Variants in BNIP3L observed in about 807,000 individuals in gnomAD.
BNIP3L encodes the protein BCL2/adenovirus E1B 19 kDa protein-interacting protein 3-like.
In BNIP3L, 10 loss-of-function variants were observed where a neutral mutation model predicts 25.5. That is an observed-to-expected ratio of 0.39 (90% CI 0.24 to 0.67). The LOEUF (loss-of-function observed/expected upper bound fraction) is 0.67, where lower values mean the gene tolerates loss of function less well. BNIP3L is among the 30% of genes least tolerant of loss of function. The probability of loss-of-function intolerance (pLI) is 0.45; values close to 1 mark genes in which losing one functional copy is unlikely to be tolerated. For synonymous variants in BNIP3L, 113 were observed against 101.2 expected (o/e 1.12, Z -0.70); for missense variants, 215 against 270.9 (o/e 0.79, Z 1.45).
chr8:26,410,062 C>T (rs1012047863), intron 5 of BNIP3L, among the ~76,000 whole-genome samples: 2 of 152,094 alleles, frequency 1.3e-5, no homozygotes, highest in African/African-American at 2.4e-5. Context: ...AGGAGTTGGG[C>T]TGCTTTATTT....
chr8:26,395,578 A>C, intron 3 of BNIP3L: 1 of 348,458 alleles, frequency 2.9e-6, no homozygotes, highest in Non-Finnish European at 5.2e-6. Context: ...ATAAGTAGAA[A>C]AAGACTGAGA....
At chr8:26,409,299 T>C (rs1381226582) in intron 5 of BNIP3L, among the ~76,000 whole-genome samples, 1 of 152,200 alleles carries the variant, frequency 6.6e-6, no homozygotes, top group Non-Finnish European at 1.5e-5. Context: ...AAACAGTAGC[T>C]GTTAATTTTT....
At chr8:26,401,612 A>T (rs958627866) in intron 3 of BNIP3L, among the ~76,000 whole-genome samples, 2 of 151,758 alleles carry the variant, frequency 1.3e-5, no homozygotes, top group Admixed American at 6.5e-5. Flanking sequence ...CAAAATAAAA[A>T]AAAAAAAAAA....
In BNIP3L at chr8:26,383,710, G is replaced by C. The variant is rs183340956; in HGVS notation, c.100+480G>C. Among the ~76,000 whole-genome samples, 393 of 151,572 alleles carry C rather than the reference G, an allele frequency of 2.6e-3. 2 individuals carry two copies. The highest frequency in any genetic ancestry group is 8.8e-3 in the African/African-American group (367 of 41,480). On this transcript the variant is annotated intron_variant, in intron 1 of 5. Transcript: ENST00000380629. The stretch of plus-strand genomic sequence containing the variant: ...CGGGGATCAGGTGTGCGGGGCTCGC[G>C]GGCGGGCAGCGTCTGGCGGGCGCGG...
chr8:26,408,151 C>G, intron 4 of BNIP3L, 48 bp downstream of exon 4: 1 of 1,610,678 alleles, frequency 6.2e-7, no homozygotes, highest in Non-Finnish European at 8.5e-7. Context: ...GATCTGCGCA[C>G]GCTTACAGGC....
chr8:26,393,316 G>A (rs559209465), intron 2 of BNIP3L, among the ~76,000 whole-genome samples: 25 of 149,284 alleles, frequency 1.7e-4, no homozygotes, highest in African/African-American at 6.0e-4. Flanking sequence ...TTGTGTTGCC[G>A]CAGGGGTTGT....
chr8:26,405,755 G>C (rs1806485144), intron 3 of BNIP3L, among the ~76,000 whole-genome samples: 2 of 152,182 alleles, frequency 1.3e-5, no homozygotes, highest in Admixed American at 1.3e-4. Context: ...CCTTAAAACT[G>C]ACTATGACCA....
At chr8:26,389,655 T>A (rs375333738) in intron 1 of BNIP3L, among the ~76,000 whole-genome samples, 1 of 152,214 alleles carries the variant, frequency 6.6e-6, no homozygotes, top group Non-Finnish European at 1.5e-5. Context: ...CTGAGCATCT[T>A]CTATTTACCA....
At chr8:26,400,238 C>G (rs1469453533) in intron 3 of BNIP3L, among the ~76,000 whole-genome samples, 1 of 151,604 alleles carries the variant, frequency 6.6e-6, no homozygotes, top group Non-Finnish European at 1.5e-5. Flanking sequence ...TGGAACAGAA[C>G]AGAGCCCTCA....
At chr8:26,385,500 G>GGCTGAGGCA (rs1485374746) in intron 1 of BNIP3L, among the ~76,000 whole-genome samples, 1 of 151,818 alleles carries the variant, frequency 6.6e-6, no homozygotes, top group Non-Finnish European at 1.5e-5. Flanking sequence ...CTATTCAGGC[G>GGCTGAGGCA]GCTGAGGCAG....
At chr8:26,386,549 C>T (rs1424840058) in intron 1 of BNIP3L, among the ~76,000 whole-genome samples, 1 of 152,162 alleles carries the variant, frequency 6.6e-6, no homozygotes, top group East Asian at 1.9e-4. Flanking sequence ...ATCCTCCTGC[C>T]TCAGCCTCCC....
chr8:26,383,284 G>A, intron 1 of BNIP3L, 54 bp downstream of exon 1: 3 of 1,562,162 alleles, frequency 1.9e-6, no homozygotes, highest in Non-Finnish European at 1.7e-6. Context: ...GAGCAGCCCC[G>A]GCCGCCGCCA....
At position 26,395,824 on chromosome 8, in the gene BNIP3L, G is replaced by T. The variant is rs1199139816; in HGVS notation, c.357+522G>T. ...TTGCCTCACCTGGGAAGCGCAAGGGGTCAGGGAGTTCCCTTTCCGAGTCAA... is the reference window on the plus strand; with the variant it reads ...TTGCCTCACCTGGGAAGCGCAAGGGTTCAGGGAGTTCCCTTTCCGAGTCAA... On this transcript the variant is annotated intron_variant, in intron 3 of 5. Transcript: ENST00000380629. 3 of 156,200 alleles carry T rather than the reference G, an allele frequency of 1.9e-5. No homozygotes were observed. In the South Asian group the frequency reaches 4.8e-4, roughly 25 times the overall value. 9.7% of individuals were successfully genotyped at this position (156,200 alleles called of 1,614,324 possible). A position where few individuals can be genotyped will look rare whatever the true frequency, so the allele number is the denominator to read the frequency against.
intron 3 of BNIP3L, among the ~76,000 whole-genome samples, chr8:26,405,580 T>A (rs1416726266): frequency 6.6e-6 from 1 of 152,204 alleles, no homozygotes; most frequent in South Asian, 2.1e-4. Context: ...GAACTAGACC[T>A]GTCAAGAGTC....
chr8:26,411,569 C>G lies in BNIP3L; in HGVS notation c.*1157C>G, dbSNP rs766831677. On this transcript the variant is annotated 3_prime_UTR_variant, in exon 6 of 6. Transcript: ENST00000380629. The stretch of plus-strand genomic sequence containing the variant: ...CTGTACAGTCTTCCCAAGGTGATTC[C>G]TGCGACTGCAGGCACTGGTCATTTT... 1 of 152,430 alleles carries G rather than the reference C, an allele frequency of 6.6e-6. No homozygotes were observed. The highest frequency in any genetic ancestry group is 1.5e-5 in the Non-Finnish European group (1 of 68,036). 9.4% of individuals were successfully genotyped at this position (152,430 alleles called of 1,614,324 possible).
In BNIP3L at chr8:26,383,064, T is replaced by C; in HGVS notation, c.-67T>C. 6.9e-7 allele frequency: 1 copy of C among 1,440,304 alleles called. No homozygotes were observed. Among genetic ancestry groups the C allele is most frequent in the Non-Finnish European group, 9.5e-7 (1 of 1,053,242 alleles). 89.2% of individuals were successfully genotyped at this position (1,440,304 alleles called of 1,614,324 possible). On this transcript the variant is annotated 5_prime_UTR_variant, in exon 1 of 6. Transcript: ENST00000380629. ...AGAAAAGGGGGCGGCGGACTCGGCTTGTTGTGTTGCTGCCTGAGTGCCGGA... is the reference window on the plus strand; with the variant it reads ...AGAAAAGGGGGCGGCGGACTCGGCTCGTTGTGTTGCTGCCTGAGTGCCGGA...
chr8:26,413,044 C>T lies in BNIP3L; in HGVS notation c.*2632C>T, dbSNP rs1806664102. The stretch of plus-strand genomic sequence containing the variant: ...CATTCTTCATCTATTTTAGTTAGCA[C>T]TTTGTATCGTTATATACAGTTTACA... On this transcript the variant is annotated 3_prime_UTR_variant, in exon 6 of 6. Transcript: ENST00000380629. This position sits in a 1 kb window ranked among gnomAD's most constrained non-coding sequence, Gnocchi z 5.2. The T allele has an allele frequency of 6.6e-6, 1 of 152,648 alleles. No homozygotes were observed. The highest frequency in any genetic ancestry group is 1.5e-5 in the Non-Finnish European group (1 of 68,044). The allele number at this position is 152,648 out of a possible 1,614,324, so 9.5% of individuals were successfully genotyped here.
At chr8:26,403,527 GT>G (rs1405533850) in intron 3 of BNIP3L, among the ~76,000 whole-genome samples, 1 of 75,252 alleles carries the variant, frequency 1.3e-5, no homozygotes, top group Non-Finnish European at 2.3e-5. Context: ...TAGGTACTCA[GT>G]TTCTTTTTTT....
intron 3 of BNIP3L, among the ~76,000 whole-genome samples, chr8:26,398,800 T>G (rs1195130666): frequency 6.6e-6 from 1 of 152,028 alleles, no homozygotes; most frequent in African/African-American, 2.4e-5. Flanking sequence ...TCTACGCAAA[T>G]AAACTAGAAA....
Sources: allele counts gnomAD v4.1 joint callset (sites outside exome capture counted in the v4.1 genomes callset), GRCh38; gene constraint gnomAD v4.1.1; non-coding constraint Gnocchi (gnomAD v3.1); transcripts MANE v1.5; gene names NCBI Gene and HGNC (gene_info 2026-07-23, HGNC 2026-07-21).